The following STT3B variants were observed in gnomAD, a reference collection of about 807,000 sequenced individuals.
STT3B encodes the protein STT3 oligosaccharyltransferase complex catalytic subunit B.
In STT3B, 29 loss-of-function variants were observed where a neutral mutation model predicts 96.8. The observed-to-expected ratio is 0.30, with a 90% CI of 0.22 to 0.41. The LOEUF (loss-of-function observed/expected upper bound fraction) is 0.41, where lower values mean the gene tolerates loss of function less well. STT3B is among the 10% of genes least tolerant of loss of function. STT3B has a pLI of 1.00. For missense variants in STT3B, 640 were observed against 1,022.3 expected (o/e 0.63, Z 5.10); for synonymous variants, 367 against 360.0 (o/e 1.02, Z -0.22).
At chr3:31,578,604 C>T (rs1698309344) in intron 2 of STT3B, among the ~76,000 whole-genome samples, 1 of 151,454 alleles carries the variant, frequency 6.6e-6, no homozygotes, top group African/African-American at 2.4e-5. Flanking sequence ...CACACTGGTA[C>T]CTAGTATTGA....
At chr3:31,578,878 G>A (rs1698316274) in intron 2 of STT3B, among the ~76,000 whole-genome samples, 1 of 152,106 alleles carries the variant, frequency 6.6e-6, no homozygotes, top group Non-Finnish European at 1.5e-5. Flanking sequence ...TGGAGAAAAA[G>A]CAAGAGAGTT....
At chr3:31,579,233 G>T (rs566798966) in intron 2 of STT3B, among the ~76,000 whole-genome samples, 3 of 151,920 alleles carry the variant, frequency 2.0e-5, no homozygotes, top group African/African-American at 7.2e-5. Flanking sequence ...ATTATCTCTG[G>T]ATTCACCAAC....
intron 5 of STT3B, among the ~76,000 whole-genome samples, chr3:31,609,495 G>T (rs897083936): frequency 6.6e-6 from 1 of 152,014 alleles, no homozygotes; most frequent in Non-Finnish European, 1.5e-5. Context: ...GTTCCCACAG[G>T]GTAGAACTTA....
intron 1 of STT3B, among the ~76,000 whole-genome samples, chr3:31,557,616 T>G (rs1290562148): frequency 1.3e-5 from 2 of 151,994 alleles, no homozygotes; most frequent in Non-Finnish European, 2.9e-5. Flanking sequence ...TCTAGGTATA[T>G]ATATTTTTAT....
chr3:31,558,970 C>T (rs1215955936), intron 1 of STT3B, among the ~76,000 whole-genome samples: 1 of 150,738 alleles, frequency 6.6e-6, no homozygotes, highest in Non-Finnish European at 1.5e-5. Context: ...GTAGTAGTCT[C>T]TGATGATCTT....
intron 4 of STT3B, among the ~76,000 whole-genome samples, chr3:31,598,524 ATT>A (rs1396878396): frequency 6.6e-6 from 1 of 152,160 alleles, no homozygotes; most frequent in Admixed American, 6.5e-5. Flanking sequence ...ATTTGCTTTC[ATT>A]TCACTCCTTA....
At chr3:31,592,053 C>G (rs1381761359) in intron 3 of STT3B, among the ~76,000 whole-genome samples, 1 of 152,006 alleles carries the variant, frequency 6.6e-6, no homozygotes, top group East Asian at 1.9e-4. Flanking sequence ...CCACCATCAC[C>G]ACCATCCATC....
chr3:31,616,772 G>A (rs566025955), intron 6 of STT3B, among the ~76,000 whole-genome samples, 157 bp from the exon 7 acceptor site: 2 of 151,668 alleles, frequency 1.3e-5, no homozygotes, highest in African/African-American at 2.4e-5. Flanking sequence ...GTATTAATTA[G>A]GCAACTGTCA....
intron 5 of STT3B, among the ~76,000 whole-genome samples, chr3:31,608,144 T>C (rs769692356): frequency 3.3e-5 from 5 of 152,204 alleles, no homozygotes; most frequent in Non-Finnish European, 7.3e-5. Context: ...CTTTACTGTT[T>C]ATTGTACCTT....
Position 31,636,968 on chromosome 3 carries a change from G to A in STT3B, c.*904G>A, listed in dbSNP as rs1446747304. 1.3e-5 allele frequency: 2 copies of A among 152,132 alleles called. No homozygotes were observed. Among genetic ancestry groups the A allele is most frequent in the African/African-American group, 4.8e-5 (2 of 41,434 alleles). 9.4% of individuals were successfully genotyped at this position (152,132 alleles called of 1,614,324 possible). ...GACTCATCAAAGTGACAAAAGACTTGTAACAACTTTGCCTGGACTTTTTTC... is the reference window on the plus strand; with the variant it reads ...GACTCATCAAAGTGACAAAAGACTTATAACAACTTTGCCTGGACTTTTTTC... On this transcript the variant is annotated 3_prime_UTR_variant, in exon 16 of 16. Transcript: ENST00000295770.
chr3:31,614,831 T>C (rs548206513), intron 5 of STT3B, among the ~76,000 whole-genome samples: 1 of 152,030 alleles, frequency 6.6e-6, no homozygotes, highest in East Asian at 1.9e-4. Flanking sequence ...CAAAACAAAC[T>C]TGATTCCATT....
chr3:31,541,472 G>GTTT (rs1302731899), intron 1 of STT3B, among the ~76,000 whole-genome samples: 1 of 106,934 alleles, frequency 9.4e-6, no homozygotes, highest in Non-Finnish European at 2.0e-5. Flanking sequence ...TTCTTTTTTT[G>GTTT]TTTTTTTTTT....
At chr3:31,572,297 CA>C (rs1698178709) in intron 1 of STT3B, among the ~76,000 whole-genome samples, 2 of 148,900 alleles carry the variant, frequency 1.3e-5, no homozygotes, top group South Asian at 4.2e-4. Flanking sequence ...TCTTAGGCCC[CA>C]AACAAACTTC....
Position 31,623,780 on chromosome 3 carries a change from T to C in STT3B, c.1646T>C (p.Met549Thr), listed in dbSNP as rs1238760013. Residue 549 changes from methionine to threonine, a missense_variant, in exon 11 of 16, where the codon ATG (methionine) becomes ACG (threonine). Met to Thr is a moderately conservative substitution (Grantham distance 81). Around this residue, in one of 8 missense-constraint regions of STT3B, gnomAD observed 149 missense variants for 250.2 expected, o/e 0.60. Transcript: ENST00000295770. ...VTMLMLMLLM[M>T]FAVHCTWVTS... ...ATGTTGATGCTGATGCTATTGATGATGTTTGCTGTCCACTGTACCTGGGTC... is the reference window on the plus strand; with the variant it reads ...ATGTTGATGCTGATGCTATTGATGACGTTTGCTGTCCACTGTACCTGGGTC... 1.2e-6 allele frequency: 2 copies of C among 1,614,026 alleles called. No individual in the cohort carries two copies. Among genetic ancestry groups the C allele is most frequent in the African/African-American group, 1.3e-5 (1 of 74,932 alleles).
At chr3:31,577,997 C>T (rs924001880) in intron 2 of STT3B, among the ~76,000 whole-genome samples, 1 of 152,066 alleles carries the variant, frequency 6.6e-6, no homozygotes. Context: ...TTTGCCTTTG[C>T]TGGAGAATTT....
intron 1 of STT3B, among the ~76,000 whole-genome samples, chr3:31,560,585 T>A (rs1697851381): frequency 6.6e-6 from 1 of 152,142 alleles, no homozygotes; most frequent in Non-Finnish European, 1.5e-5. Context: ...TCCCTTTCTT[T>A]CCTGGCCTAT....
chr3:31,572,047 ATATATCAT>A (rs1334868557), intron 1 of STT3B, among the ~76,000 whole-genome samples: 34 of 119,958 alleles, frequency 2.8e-4, no homozygotes, highest in African/African-American at 9.0e-4. Flanking sequence ...TGATATATTA[ATATATCAT>A]ATATTAATAT....
chr3:31,619,886 G>A, intron 9 of STT3B, 56 bp downstream of exon 9: 3 of 1,557,612 alleles, frequency 1.9e-6, no homozygotes, highest in Non-Finnish European at 2.6e-6. Context: ...TTCTTTTTGA[G>A]ATTATTTACT....
intron 9 of STT3B, 84 bp from the exon 10 acceptor site, chr3:31,622,013 T>G: frequency 2.7e-6 from 2 of 743,740 alleles, no homozygotes; most frequent in Non-Finnish European, 2.1e-6. Flanking sequence ...TAATTCCAGG[T>G]TGGTTTTATA....
Sources: gnomAD v4.1 joint callset for allele counts (sites outside exome capture counted in the v4.1 genomes callset) on GRCh38, gnomAD v4.1.1 for gene constraint, gnomAD v4.1.1 regional missense constraint, MANE v1.5 for transcripts, NCBI Gene and HGNC (gene_info 2026-07-23, HGNC 2026-07-21) for gene names.